Variants in KDM4C observed in about 807,000 individuals in gnomAD.
KDM4C encodes lysine-specific demethylase 4C.
A neutral mutation model predicts 129.3 loss-of-function variants in KDM4C; 81 were observed. That is an observed-to-expected ratio of 0.63 (90% CI 0.52 to 0.75). The LOEUF (loss-of-function observed/expected upper bound fraction) is 0.75, where lower values mean the gene tolerates loss of function less well. Among genes scored for constraint, KDM4C ranks in the 30% least tolerant of loss-of-function variants. The pLI is 0.00. For missense variants in KDM4C, 1,457 were observed against 1,304.0 expected, an observed-to-expected ratio of 1.12 and a Z score of -1.81; for synonymous variants, 573 against 456.1, an observed-to-expected ratio of 1.26 and a Z score of -3.26.
At chr9:6,816,308 A>C (rs1470976652) in intron 4 of KDM4C, among the ~76,000 whole-genome samples, 1 of 152,340 alleles carries the variant, frequency 6.6e-6, no homozygotes, top group East Asian at 1.9e-4. Context: ...TTTATGAATT[A>C]TTGTAAAGTG....
At chr9:7,103,928 T>C in intron 18 of KDM4C, 58 bp downstream of exon 18, 22 of 1,457,998 alleles carry the variant, frequency 1.5e-5, no homozygotes, top group Non-Finnish European at 2.1e-5. Flanking sequence ...TCTCCTGTTT[T>C]AGACTACCTC....
chr9:6,946,842 AT>A (rs772954202), intron 8 of KDM4C, among the ~76,000 whole-genome samples: 5 of 151,798 alleles, frequency 3.3e-5, no homozygotes, highest in Admixed American at 6.5e-5. Flanking sequence ...CTAAAACATT[AT>A]TTTTTGTTTC....
Position 7,141,914 on chromosome 9 carries a change from A to G in KDM4C, c.2781+13678A>G, listed in dbSNP as rs562235273. Among the ~76,000 whole-genome samples the G allele has an allele frequency of 2.6e-5, 4 of 152,226 alleles. No individual in the cohort carries two copies. In the South Asian group the frequency reaches 8.3e-4, roughly 32 times the overall value. Reference sequence around the variant, plus strand: ...TAGAAGTGACGTGACCAGGCACTTCATCTCTAAATGGATGTGTCATCACAC... The same window carrying G: ...TAGAAGTGACGTGACCAGGCACTTCGTCTCTAAATGGATGTGTCATCACAC... On this transcript the variant is annotated intron_variant, in intron 19 of 21. Coordinates refer to ENST00000381309, the MANE Select transcript of KDM4C (RefSeq NM_015061.6).
chr9:6,924,375 C>T (rs1304161717), intron 8 of KDM4C, among the ~76,000 whole-genome samples: 1 of 152,152 alleles, frequency 6.6e-6, no homozygotes, highest in Non-Finnish European at 1.5e-5. Flanking sequence ...ACCACAGGCC[C>T]CCTTTCCCTC....
intron 8 of KDM4C, among the ~76,000 whole-genome samples, chr9:6,939,195 C>G (rs988431110): frequency 6.6e-6 from 1 of 151,926 alleles, no homozygotes; most frequent in African/African-American, 2.4e-5. Context: ...GCTGGCATTA[C>G]TGCCTGAGCT....
chr9:7,075,623 C>T (rs1215485810), intron 17 of KDM4C, among the ~76,000 whole-genome samples: 2 of 152,122 alleles, frequency 1.3e-5, no homozygotes, highest in African/African-American at 2.4e-5. Flanking sequence ...AGGTCCTCAC[C>T]ACATGCAGAT....
At chr9:7,163,832 T>C (rs552790647) in intron 19 of KDM4C, among the ~76,000 whole-genome samples, 1 of 152,334 alleles carries the variant, frequency 6.6e-6, no homozygotes, top group African/African-American at 2.4e-5. Context: ...TTCATTTGGC[T>C]AAGTTAGATG....
chr9:6,984,509 G>A, intron 10 of KDM4C, 105 bp downstream of exon 10: 1 of 734,798 alleles, frequency 1.4e-6, no homozygotes, highest in Non-Finnish European at 2.3e-6. Context: ...AGTCCACATA[G>A]CTTAATCAGT....
chr9:6,985,849 C>G (rs1197381974), intron 10 of KDM4C, among the ~76,000 whole-genome samples: 1 of 152,100 alleles, frequency 6.6e-6, no homozygotes, highest in African/African-American at 2.4e-5. Context: ...CACCACTATG[C>G]CTAACTAATT....
At chr9:6,737,792 G>GAGA (rs1419975106) in intron 1 of KDM4C, among the ~76,000 whole-genome samples, 7 of 151,552 alleles carry the variant, frequency 4.6e-5, no homozygotes, top group Admixed American at 1.3e-4. Context: ...AAACCACAAT[G>GAGA]AGATACAAAC....
intron 2 of KDM4C, among the ~76,000 whole-genome samples, chr9:6,795,118 A>G (rs1181339863): frequency 2.0e-5 from 3 of 152,156 alleles, no homozygotes; most frequent in African/African-American, 4.8e-5. Context: ...ACTCAGTTGC[A>G]CTTATGTAAA....
At chr9:6,739,328 C>T (rs190043340) in intron 1 of KDM4C, among the ~76,000 whole-genome samples, 261 of 152,186 alleles carry the variant, frequency 1.7e-3, no homozygotes, top group African/African-American at 5.2e-3. Context: ...CCCCCTGCAC[C>T]TCCCAAAGTG....
intron 1 of KDM4C, among the ~76,000 whole-genome samples, chr9:6,760,559 T>G (rs1051217792): frequency 6.7e-6 from 1 of 149,512 alleles, no homozygotes; most frequent in Admixed American, 6.7e-5. Context: ...TATTTATTTA[T>G]TTATTTATTT....
At chr9:6,985,277 C>T (rs377548407) in intron 10 of KDM4C, among the ~76,000 whole-genome samples, 1 of 152,218 alleles carries the variant, frequency 6.6e-6, no homozygotes, top group African/African-American at 2.4e-5. Context: ...ATTATTCCAC[C>T]TATAATAAAA....
chr9:6,995,721 G>A (rs1290906570), intron 12 of KDM4C, among the ~76,000 whole-genome samples: 1 of 152,050 alleles, frequency 6.6e-6, no homozygotes, highest in East Asian at 1.9e-4. Flanking sequence ...GCCCAGGCTG[G>A]AGTGCAGTGG....
intron 17 of KDM4C, 105 bp from the exon 18 acceptor site, chr9:7,103,578 TTG>T (rs987177317): frequency 3.9e-5 from 34 of 871,456 alleles, no homozygotes; most frequent in African/African-American, 3.1e-4. Context: ...ATGTAATCAG[TTG>T]TTTTTTTTTT....
At chr9:7,056,112 T>C (rs1830830011) in intron 17 of KDM4C, among the ~76,000 whole-genome samples, 1 of 152,182 alleles carries the variant, frequency 6.6e-6, no homozygotes, top group African/African-American at 2.4e-5. Context: ...AGAAAACTTA[T>C]TGCTTAAACA....
intron 1 of KDM4C, among the ~76,000 whole-genome samples, chr9:6,736,367 A>T (rs746543751): frequency 1.3e-5 from 2 of 152,194 alleles, no homozygotes; most frequent in Non-Finnish European, 2.9e-5. Context: ...AGAGGTATTC[A>T]TGGCAGCCCC....
At chr9:7,066,299 C>T (rs1194303153) in intron 17 of KDM4C, among the ~76,000 whole-genome samples, 1 of 152,080 alleles carries the variant, frequency 6.6e-6, no homozygotes, top group Non-Finnish European at 1.5e-5. Flanking sequence ...TATGGTATCC[C>T]CCTCTCCACC....
Sources: allele counts gnomAD v4.1 joint callset (sites outside exome capture counted in the v4.1 genomes callset), GRCh38; gene constraint gnomAD v4.1.1; transcripts MANE v1.5; gene names NCBI Gene and HGNC (gene_info 2026-07-23, HGNC 2026-07-21).